Variants in KCNK13 observed in about 807,000 individuals in gnomAD.
KCNK13 encodes the protein potassium two pore domain channel subfamily K member 13.
In KCNK13, 12 loss-of-function variants were observed where a neutral mutation model predicts 23.4. The ratio of observed to expected loss-of-function variants is 0.51; its 90% CI spans 0.33 to 0.83. The LOEUF is 0.83. KCNK13 is among the 40% of genes least tolerant of loss of function. The probability of loss-of-function intolerance (pLI) is 0.02; values close to 1 mark genes in which losing one functional copy is unlikely to be tolerated. For synonymous variants in KCNK13, 231 were observed against 229.5 expected (o/e 1.01, Z -0.06); for missense variants, 463 against 556.3 (o/e 0.83, Z 1.69).
chr14:90,071,663 C>G (rs946005291), intron 1 of KCNK13, among the ~76,000 whole-genome samples: 1 of 152,116 alleles, frequency 6.6e-6, no homozygotes, highest in African/African-American at 2.4e-5. Context: ...AATTGGGAGG[C>G]CAAGGTGGGC....
chr14:90,184,242 A>G lies in KCNK13; in HGVS notation c.466A>G (p.Ile156Val), dbSNP rs149601253. 5.5e-4 allele frequency: 886 copies of G among 1,614,220 alleles called. 1 individual carries two copies. Among genetic ancestry groups the G allele is most frequent in the Non-Finnish European group, 7.0e-4 (829 of 1,180,034 alleles). The change falls in exon 2 of 2, where the codon ATC (isoleucine) becomes GTC (valine). Residue 156 changes from isoleucine (I) to valine (V), a missense_variant. Transcript: ENST00000282146. This position sits in a 1 kb window ranked among gnomAD's most constrained non-coding sequence, Gnocchi z 5.6. ...LERLITIIAYIMKSCHQRQLR... is the reference protein window; with the variant it reads ...LERLITIIAYVMKSCHQRQLR... ...GCGCCTGATCACCATCATCGCCTACATCATGAAGTCGTGCCACCAGCGGCA... is the reference window on the plus strand; with the variant it reads ...GCGCCTGATCACCATCATCGCCTACGTCATGAAGTCGTGCCACCAGCGGCA...
rs188991643 is a variant in KCNK13 at position 90,135,548 on chromosome 14, C to A, written c.335-48563C>A. Among the ~76,000 whole-genome samples, 4 of 152,316 alleles carry A rather than the reference C, an allele frequency of 2.6e-5. No homozygotes were observed. In the East Asian group the frequency reaches 7.7e-4, roughly 29 times the overall value. ...GAGAGGACCTTTTCTGCCTTCCTCG[C>A]CATATGGCAGATGATTTTCACAGGC... On this transcript the variant is annotated intron_variant, in intron 1 of 1. Transcript: ENST00000282146.
intron 1 of KCNK13, among the ~76,000 whole-genome samples, chr14:90,155,499 A>C (rs577705933): frequency 6.6e-6 from 1 of 152,314 alleles, no homozygotes; most frequent in African/African-American, 2.4e-5. Context: ...TGGCTGCTGC[A>C]GGCTAGGGAA....
At chr14:90,134,422 A>C (rs1170055225) in intron 1 of KCNK13, among the ~76,000 whole-genome samples, 1 of 152,174 alleles carries the variant, frequency 6.6e-6, no homozygotes, top group Non-Finnish European at 1.5e-5. Flanking sequence ...AGTTTATGGA[A>C]CATAGCCTTA....
At chr14:90,078,668 G>A (rs1229735135) in intron 1 of KCNK13, among the ~76,000 whole-genome samples, 1 of 152,148 alleles carries the variant, frequency 6.6e-6, no homozygotes, top group Admixed American at 6.5e-5. Context: ...ATGTAGTTGT[G>A]CTGAGAACTC....
chr14:90,064,189 G>A (rs1306905901), intron 1 of KCNK13, among the ~76,000 whole-genome samples: 2 of 152,188 alleles, frequency 1.3e-5, no homozygotes, highest in African/African-American at 4.8e-5. Context: ...CTGATTAGGA[G>A]GTGTCACTTT....
intron 1 of KCNK13, among the ~76,000 whole-genome samples, chr14:90,139,475 G>T (rs968347297): frequency 8.1e-3 from 1 of 124 alleles, no homozygotes; most frequent in Non-Finnish European, 0.019. Flanking sequence ...CGAGCATGCG[G>T]GGGCCCTGTA....
intron 1 of KCNK13, among the ~76,000 whole-genome samples, chr14:90,181,936 G>A (rs576228880): frequency 8.5e-5 from 13 of 152,246 alleles, no homozygotes; most frequent in African/African-American, 3.1e-4. Flanking sequence ...ATACTCTCTG[G>A]TCTTGCAGCT....
intron 1 of KCNK13, among the ~76,000 whole-genome samples, chr14:90,140,445 G>A (rs1020563543): frequency 2.6e-5 from 4 of 152,208 alleles, no homozygotes; most frequent in African/African-American, 9.6e-5. Flanking sequence ...GGGGGAAGAG[G>A]GAACAAAGGA....
chr14:90,063,698 C>T (rs1888973647), intron 1 of KCNK13, among the ~76,000 whole-genome samples: 1 of 152,150 alleles, frequency 6.6e-6, no homozygotes, highest in Non-Finnish European at 1.5e-5. Context: ...CAAGTTGAGC[C>T]TCCTTGAGGC....
chr14:90,073,754 T>C (rs533747712), intron 1 of KCNK13, among the ~76,000 whole-genome samples: 1 of 152,148 alleles, frequency 6.6e-6, no homozygotes, highest in South Asian at 2.1e-4. Context: ...CACTGCAACC[T>C]CTGTCTCCCG....
rs562844905 is a variant in KCNK13, at chr14:90,077,725, C to T, written c.334+15186C>T. Reference sequence around the variant, plus strand: ...GGCATTCCTCTTTGCTATTCTCCTGCTGCCATCCTTTTTATTATCATGTGA... The same window carrying T: ...GGCATTCCTCTTTGCTATTCTCCTGTTGCCATCCTTTTTATTATCATGTGA... On this transcript the variant is annotated intron_variant, in intron 1 of 1. Coordinates refer to ENST00000282146, the MANE Select transcript of KCNK13 (RefSeq NM_022054.4). Among the ~76,000 whole-genome samples, 127 of 152,320 alleles carry T rather than the reference C, an allele frequency of 8.3e-4. 1 individual carries two copies. The highest frequency in any genetic ancestry group is 3.4e-3 in the Middle Eastern group (1 of 294).
chr14:90,086,196 T>G (rs1889273972), intron 1 of KCNK13, among the ~76,000 whole-genome samples: 1 of 152,180 alleles, frequency 6.6e-6, no homozygotes, highest in African/African-American at 2.4e-5. Context: ...ATTTTTAAAT[T>G]TAAATATTGT....
At chr14:90,141,750 G>A (rs1050648353) in intron 1 of KCNK13, among the ~76,000 whole-genome samples, 2 of 141,628 alleles carry the variant, frequency 1.4e-5, no homozygotes, top group Non-Finnish European at 3.1e-5. Flanking sequence ...GAGCCACCAC[G>A]CCCAGCCTTA....
At chr14:90,119,686 G>A (rs924253595) in intron 1 of KCNK13, among the ~76,000 whole-genome samples, 2 of 152,032 alleles carry the variant, frequency 1.3e-5, no homozygotes, top group African/African-American at 2.4e-5. Flanking sequence ...TGCAAGCTCC[G>A]CCTCCCAGGT....
intron 1 of KCNK13, among the ~76,000 whole-genome samples, chr14:90,136,101 G>A (rs1889933740): frequency 6.6e-6 from 1 of 152,024 alleles, no homozygotes; most frequent in African/African-American, 2.4e-5. Context: ...CCAAGAAGGA[G>A]ATTGGGCTGG....
intron 1 of KCNK13, among the ~76,000 whole-genome samples, chr14:90,107,399 A>C (rs1322511901): frequency 6.6e-6 from 1 of 152,064 alleles, no homozygotes; most frequent in Non-Finnish European, 1.5e-5. Flanking sequence ...AATGGCGTGA[A>C]CCTGGGAGGC....
chr14:90,079,408 T>C (rs2140394171), intron 1 of KCNK13, among the ~76,000 whole-genome samples: 1 of 152,286 alleles, frequency 6.6e-6, no homozygotes, highest in South Asian at 2.1e-4. Flanking sequence ...AAATTACACC[T>C]TAGAATTTGG....
intron 1 of KCNK13, among the ~76,000 whole-genome samples, chr14:90,136,496 T>C (rs577258862): frequency 6.6e-6 from 1 of 150,524 alleles, no homozygotes; most frequent in African/African-American, 2.4e-5. Context: ...AGTGAATTGA[T>C]TTAAGGAGGA....
Sources: allele counts gnomAD v4.1 joint callset (sites outside exome capture counted in the v4.1 genomes callset), GRCh38; gene constraint gnomAD v4.1.1; non-coding constraint Gnocchi (gnomAD v3.1); transcripts MANE v1.5; gene names NCBI Gene and HGNC (gene_info 2026-07-23, HGNC 2026-07-21).